The following CBLB variants were observed in gnomAD, a reference collection of about 807,000 sequenced individuals.
CBLB encodes E3 ubiquitin-protein ligase CBL-B.
A neutral mutation model predicts 104.9 loss-of-function variants in CBLB; 31 were observed. The observed-to-expected ratio is 0.30, with a 90% CI of 0.22 to 0.40. CBLB has a LOEUF of 0.40. Ranked by LOEUF, CBLB falls within the 10% of genes least tolerant of loss-of-function variation. The probability of loss-of-function intolerance (pLI) is 1.00; values close to 1 mark genes in which losing one functional copy is unlikely to be tolerated. For synonymous variants in CBLB, 440 were observed against 422.6 expected (o/e 1.04, Z -0.51); for missense variants, 1,062 against 1,214.6 (o/e 0.87, Z 1.87).
chr3:105,707,860 TA>T (rs11381649), intron 10 of CBLB, among the ~76,000 whole-genome samples: 14 of 149,502 alleles, frequency 9.4e-5, no homozygotes, highest in South Asian at 6.3e-4. Context: ...CTTCTGAAAA[TA>T]AAAAAAAACA....
At chr3:105,726,537 C>T (rs2073659301) in intron 9 of CBLB, among the ~76,000 whole-genome samples, 1 of 150,320 alleles carries the variant, frequency 6.7e-6, no homozygotes, top group African/African-American at 2.4e-5. Context: ...AGCTCAAAAG[C>T]CATTTTCCTT....
At chr3:105,821,260 A>ATATCTATCTACC (rs2085813069) in intron 3 of CBLB, among the ~76,000 whole-genome samples, 2 of 149,402 alleles carry the variant, frequency 1.3e-5, no homozygotes, top group Non-Finnish European at 3.0e-5. Flanking sequence ...ATCTATATCT[A>ATATCTATCTACC]TATCTATCTA....
chr3:105,824,668 C>T (rs1272811709), intron 3 of CBLB, among the ~76,000 whole-genome samples: 3 of 151,972 alleles, frequency 2.0e-5, no homozygotes, highest in Non-Finnish European at 4.4e-5. Context: ...TCTTAAAATA[C>T]GATTTTTATG....
intron 3 of CBLB, among the ~76,000 whole-genome samples, chr3:105,852,298 A>G (rs912353724): frequency 2.6e-5 from 4 of 152,178 alleles, no homozygotes; most frequent in African/African-American, 9.7e-5. Flanking sequence ...CAGTGGAATA[A>G]GATGTGGAGG....
At chr3:105,666,281 G>A (rs1160001969) in intron 18 of CBLB, among the ~76,000 whole-genome samples, 1 of 151,948 alleles carries the variant, frequency 6.6e-6, no homozygotes, top group East Asian at 1.9e-4. Context: ...AATTGATCAA[G>A]GAATAAAAGA....
intron 14 of CBLB, 109 bp from the exon 15 acceptor site, chr3:105,681,927 A>G (rs2066369723): frequency 2.8e-6 from 2 of 706,414 alleles, no homozygotes; most frequent in East Asian, 2.7e-5. Flanking sequence ...AAGTTTGAAC[A>G]TATATTTTTC....
intron 11 of CBLB, among the ~76,000 whole-genome samples, chr3:105,703,399 C>T (rs958264474): frequency 3.9e-5 from 6 of 151,970 alleles, no homozygotes; most frequent in Non-Finnish European, 5.9e-5. Flanking sequence ...TTATCAAATT[C>T]GAGGAAAAAA....
At chr3:105,685,501 C>T in intron 13 of CBLB, 35 bp from the exon 14 acceptor site, 1 of 1,576,584 alleles carries the variant, frequency 6.3e-7, no homozygotes, top group Non-Finnish European at 8.7e-7. Context: ...CTAGTTTAAG[C>T]ATAATATTCA....
chr3:105,832,668 C>A (rs1473054055), intron 3 of CBLB, among the ~76,000 whole-genome samples: 1 of 152,190 alleles, frequency 6.6e-6, no homozygotes, highest in Non-Finnish European at 1.5e-5. Flanking sequence ...CAAAAACGAA[C>A]CATCAAAGCT....
chr3:105,805,336 C>T lies in CBLB; in HGVS notation c.420-28794G>A, dbSNP rs145586194. Among the ~76,000 whole-genome samples, 414 of 149,694 alleles carry T rather than the reference C, an allele frequency of 2.8e-3. 7 individuals carry two copies. In the East Asian group the frequency reaches 0.072, roughly 26 times the overall value. Reference sequence around the variant, plus strand: ...TTTTTTTTTTGAGAGGGAGTCTCACCCTGTCACCCAGGCTGGGATGCCCAG... The same window carrying T: ...TTTTTTTTTTGAGAGGGAGTCTCACTCTGTCACCCAGGCTGGGATGCCCAG... On this transcript the variant is annotated intron_variant, in intron 3 of 18. Transcript: ENST00000394030.
At chr3:105,722,600 A>G (rs1480088071) in intron 9 of CBLB, among the ~76,000 whole-genome samples, 3 of 151,500 alleles carry the variant, frequency 2.0e-5, no homozygotes, top group Admixed American at 6.6e-5. Context: ...ACCCAATCGA[A>G]ATCATGAAAG....
At chr3:105,712,593 C>T (rs2071272306) in intron 10 of CBLB, among the ~76,000 whole-genome samples, 1 of 152,146 alleles carries the variant, frequency 6.6e-6, no homozygotes, top group African/African-American at 2.4e-5. Context: ...GTTCTTCACC[C>T]TACTTTAGAT....
intron 3 of CBLB, among the ~76,000 whole-genome samples, chr3:105,815,884 T>C (rs2084974860): frequency 6.6e-6 from 1 of 152,224 alleles, no homozygotes. Context: ...AATGAGTTCA[T>C]GTCCTTTGCA....
intron 3 of CBLB, among the ~76,000 whole-genome samples, chr3:105,838,107 C>T (rs1403634668): frequency 3.6e-5 from 5 of 137,112 alleles, no homozygotes; most frequent in Non-Finnish European, 6.1e-5. Context: ...TTCTGAGACA[C>T]GTTCTCACTC....
chr3:105,696,160 A>C (rs1185312040), intron 12 of CBLB, among the ~76,000 whole-genome samples: 1 of 151,648 alleles, frequency 6.6e-6, no homozygotes. Context: ...ATATGTACTG[A>C]GAGTTGACAA....
At chr3:105,692,644 C>T (rs1474683620) in intron 13 of CBLB, among the ~76,000 whole-genome samples, 1 of 151,950 alleles carries the variant, frequency 6.6e-6, no homozygotes, top group African/African-American at 2.4e-5. Context: ...TAGGATCTTA[C>T]TGTTAGCAGA....
At chr3:105,776,259 CAAT>C in intron 4 of CBLB, 134 bp downstream of exon 4, 1 of 626,914 alleles carries the variant, frequency 1.6e-6, no homozygotes, top group Non-Finnish European at 2.4e-6. Context: ...AATTACCAAT[CAAT>C]CAAAATGCTT....
intron 4 of CBLB, 80 bp downstream of exon 4, chr3:105,776,316 A>G: frequency 8.0e-7 from 1 of 1,255,226 alleles, no homozygotes; most frequent in Non-Finnish European, 1.2e-6. Flanking sequence ...CAAGTAAAAT[A>G]TATACCATAT....
intron 2 of CBLB, among the ~76,000 whole-genome samples, chr3:105,860,096 T>G (rs2153141953): frequency 6.6e-6 from 1 of 152,302 alleles, no homozygotes; most frequent in East Asian, 1.9e-4. Context: ...TTCTGTTCAC[T>G]CTCTTTCTTC....
Sources: gnomAD v4.1 joint callset for allele counts (sites outside exome capture counted in the v4.1 genomes callset) on GRCh38, gnomAD v4.1.1 for gene constraint, MANE v1.5 for transcripts, NCBI Gene and HGNC (gene_info 2026-07-23, HGNC 2026-07-21) for gene names.